Variants in CDH12 observed in about 807,000 individuals in gnomAD.
CDH12 encodes the protein cadherin-12.
A neutral mutation model predicts 74.1 loss-of-function variants in CDH12; 41 were observed. The observed-to-expected ratio is 0.55, with a 90% confidence interval of 0.43 to 0.72. CDH12 has a LOEUF of 0.72. Ranked by LOEUF, CDH12 falls within the 30% of genes least tolerant of loss-of-function variation. The pLI is 0.00. For synonymous variants in CDH12, 399 were observed against 355.0 expected, an observed-to-expected ratio of 1.12 and a Z score of -1.39; for missense variants, 945 against 977.2, an observed-to-expected ratio of 0.97 and a Z score of 0.44.
chr5:21,966,158 GTTTT>G (rs71609724), intron 6 of CDH12, among the ~76,000 whole-genome samples: 6 of 123,316 alleles, frequency 4.9e-5, no homozygotes, highest in South Asian at 2.6e-4. Context: ...CTATTTTTAC[GTTTT>G]TTTTTTTTTT....
At chr5:22,156,225 C>A (rs568043532) in intron 4 of CDH12, among the ~76,000 whole-genome samples, 5 of 152,058 alleles carry the variant, frequency 3.3e-5, no homozygotes, top group Non-Finnish European at 5.9e-5. Context: ...CTTCTTCTGT[C>A]TGTAGACAAG....
intron 1 of CDH12, among the ~76,000 whole-genome samples, chr5:22,821,783 T>C (rs1182775210): frequency 6.6e-6 from 1 of 151,156 alleles, no homozygotes; most frequent in Non-Finnish European, 1.5e-5. Context: ...GAAGAATCAA[T>C]ATCATGAAAA....
intron 3 of CDH12, among the ~76,000 whole-genome samples, chr5:22,396,863 G>C (rs376138404): frequency 6.6e-6 from 1 of 152,054 alleles, no homozygotes; most frequent in East Asian, 1.9e-4. Flanking sequence ...CTCTCCTACT[G>C]TCTGTCGTAC....
At position 22,116,466 on chromosome 5, in the gene CDH12, G is replaced by A. The variant is rs142293145; in HGVS notation, c.-186-37604C>T. ...TAAAAATACAAAAAATTAGCCAGGC[G>A]TGGTGGCGCGTGCCTGTAGTCCTAG... On this transcript the variant is annotated intron_variant, in intron 4 of 14. Transcript: ENST00000382254. Among the ~76,000 whole-genome samples the A allele has an allele frequency of 5.9e-3, 893 of 152,252 alleles. 6 individuals are homozygous for A. The highest frequency in any genetic ancestry group is 0.018 in the African/African-American group (751 of 41,548).
At chr5:22,015,464 A>C (rs1362762789) in intron 5 of CDH12, among the ~76,000 whole-genome samples, 3 of 152,170 alleles carry the variant, frequency 2.0e-5, no homozygotes, top group Non-Finnish European at 2.9e-5. Flanking sequence ...TTATCTCTGA[A>C]ACTGAACACT....
At chr5:22,580,213 G>T in intron 1 of CDH12, 2 of 297,100 alleles carry the variant, frequency 6.7e-6, no homozygotes, top group South Asian at 3.1e-5. Context: ...TCATAAAATT[G>T]CCAATAATGG....
intron 3 of CDH12, among the ~76,000 whole-genome samples, chr5:22,244,773 AAAGAAAGAAAG>A (rs1554023730): frequency 8.1e-6 from 1 of 123,742 alleles, no homozygotes. Context: ...AGAAAGAAAG[AAAGAAAGAAAG>A]AAAGAAAGAA....
chr5:22,559,139 T>C (rs916601559), intron 1 of CDH12, among the ~76,000 whole-genome samples: 1 of 152,010 alleles, frequency 6.6e-6, no homozygotes, highest in Non-Finnish European at 1.5e-5. Context: ...ACAAATGGCT[T>C]ATTCTTGTAC....
chr5:22,383,834 C>T (rs898288955), intron 3 of CDH12, among the ~76,000 whole-genome samples: 1 of 152,048 alleles, frequency 6.6e-6, no homozygotes, highest in Admixed American at 6.5e-5. Flanking sequence ...AGATCTCTCC[C>T]GCTCTCCCCC....
intron 3 of CDH12, among the ~76,000 whole-genome samples, chr5:22,253,009 C>T (rs1180047579): frequency 6.6e-6 from 1 of 151,948 alleles, no homozygotes. Context: ...TTTGTTATCT[C>T]TTGTGAGTGT....
intron 4 of CDH12, 154 bp downstream of exon 4, chr5:22,212,344 C>G (rs1198015376): frequency 9.3e-6 from 2 of 215,110 alleles, no homozygotes; most frequent in Non-Finnish European, 1.6e-5. Context: ...ATATCATTAT[C>G]TCCAACGCCG....
chr5:22,447,148 A>G (rs1436939958), intron 2 of CDH12, among the ~76,000 whole-genome samples: 1 of 152,152 alleles, frequency 6.6e-6, no homozygotes, highest in Non-Finnish European at 1.5e-5. Flanking sequence ...CTTCTTGTAT[A>G]AGGGCTATAA....
intron 3 of CDH12, among the ~76,000 whole-genome samples, chr5:22,369,696 T>C (rs985008820): frequency 6.6e-6 from 1 of 152,170 alleles, no homozygotes; most frequent in Non-Finnish European, 1.5e-5. Flanking sequence ...TCTTTTAAGC[T>C]CTTCGAACAC....
At chr5:22,529,188 TAGAGAG>T (rs374921601) in intron 1 of CDH12, among the ~76,000 whole-genome samples, 17,607 of 84,346 alleles carry the variant, frequency 0.21, 1,373 homozygotes, top group Middle Eastern at 0.3. Flanking sequence ...TATATATATA[TAGAGAG>T]AGAGAGAGAG....
chr5:22,677,193 G>T (rs933917199), intron 1 of CDH12, among the ~76,000 whole-genome samples: 1 of 151,998 alleles, frequency 6.6e-6, no homozygotes, highest in Non-Finnish European at 1.5e-5. Context: ...AATCATAAAT[G>T]CCTGAACCAA....
At chr5:22,821,317 A>C (rs1001201408) in intron 1 of CDH12, among the ~76,000 whole-genome samples, 5 of 152,170 alleles carry the variant, frequency 3.3e-5, no homozygotes, top group African/African-American at 9.7e-5. Context: ...CCCTTTGAAA[A>C]CCGGCACAAG....
intron 1 of CDH12, among the ~76,000 whole-genome samples, chr5:22,700,297 A>T (rs1025482631): frequency 1.3e-5 from 2 of 152,214 alleles, no homozygotes; most frequent in African/African-American, 2.4e-5. Flanking sequence ...TCCTGTGGAC[A>T]AATGTTCTGT....
At chr5:22,318,723 T>G (rs949190965) in intron 3 of CDH12, among the ~76,000 whole-genome samples, 7 of 152,316 alleles carry the variant, frequency 4.6e-5, no homozygotes, top group Non-Finnish European at 1.0e-4. Context: ...AAGAGTCTCT[T>G]TCAATTTGTC....
At chr5:22,512,247 A>G (rs1177440661) in intron 1 of CDH12, among the ~76,000 whole-genome samples, 1 of 152,202 alleles carries the variant, frequency 6.6e-6, no homozygotes, top group East Asian at 1.9e-4. Flanking sequence ...TGATAAGAGT[A>G]GAGATTCATT....
Sources: gnomAD v4.1 joint callset for allele counts (sites outside exome capture counted in the v4.1 genomes callset) on GRCh38, gnomAD v4.1.1 for gene constraint, MANE v1.5 for transcripts, NCBI Gene and HGNC (gene_info 2026-07-23, HGNC 2026-07-21) for gene names.